The following C9orf78 variants were observed in gnomAD, a reference collection of about 807,000 sequenced individuals.
C9orf78 encodes the protein splicing factor C9orf78.
A neutral mutation model predicts 37.4 loss-of-function variants in C9orf78; 19 were observed. The observed-to-expected ratio is 0.51, with a 90% confidence interval of 0.35 to 0.74. The LOEUF is 0.74. Ranked by LOEUF, C9orf78 falls within the 30% of genes least tolerant of loss-of-function variation. C9orf78 has a pLI of 0.01. For synonymous variants in C9orf78, 130 were observed against 128.0 expected, an observed-to-expected ratio of 1.02 and a Z score of -0.10; for missense variants, 291 against 370.8, an observed-to-expected ratio of 0.78 and a Z score of 1.77.
rs1170996277 is a variant in C9orf78 at position 129,828,020 on chromosome 9, C to T, written c.*141G>A. On this transcript the variant is annotated 3_prime_UTR_variant, in exon 9 of 9. Transcript: ENST00000372447. Reference sequence around the variant, plus strand: ...GTTGGTCAGGCTGGTCTCAAACTCCCGACCTCAGGTGATCCGCCCACCTCG... The same window carrying T: ...GTTGGTCAGGCTGGTCTCAAACTCCTGACCTCAGGTGATCCGCCCACCTCG... The T allele has an allele frequency of 1.2e-5, 6 of 510,774 alleles. No homozygotes were observed. The highest frequency in any genetic ancestry group is 2.3e-5 in the Non-Finnish European group (6 of 257,646). The allele number at this position is 510,774 out of a possible 1,614,324, so 31.6% of individuals were successfully genotyped here.
At chr9:129,833,265 T>A (rs10116875) in intron 4 of C9orf78, among the ~76,000 whole-genome samples, 182 bp downstream of exon 4, 5,714 of 152,104 alleles carry the variant, frequency 0.038, 335 homozygotes, top group African/African-American at 0.12. Context: ...AACTTGGCTC[T>A]AAGTTAACTT....
Position 129,828,598 on chromosome 9 carries a change from A to AT in C9orf78, c.779-347dup, listed in dbSNP as rs1158016304. 4 of 238,016 alleles carry AT rather than the reference A, an allele frequency of 1.7e-5. No individual in the cohort carries two copies. The Admixed American group carries it at 2.1e-4, about 12-fold the overall frequency. 14.7% of individuals were successfully genotyped at this position (238,016 alleles called of 1,614,324 possible). On this transcript the variant is annotated intron_variant, in intron 8 of 8. Transcript: ENST00000372447. ...GCCACCTCACCTGGCTAATTTTTGT[A>AT]TTTTTAGTAGAGACGGGGTTCACCA...
At chr9:129,828,968 T>C in intron 8 of C9orf78, 2 of 608,922 alleles carry the variant, frequency 3.3e-6, no homozygotes, top group South Asian at 1.9e-5. Flanking sequence ...TGCGTGAGAA[T>C]ATGAGAGAGT....
intron 4 of C9orf78, among the ~76,000 whole-genome samples, chr9:129,833,127 G>C (rs1040739503): frequency 3.4e-5 from 5 of 146,188 alleles, no homozygotes; most frequent in Non-Finnish European, 7.5e-5. Context: ...GTAGAGACAG[G>C]GGTCTCACTA....
chr9:129,829,600 T>G, intron 6 of C9orf78, 59 bp from the exon 7 acceptor site: 1 of 1,514,644 alleles, frequency 6.6e-7, no homozygotes, highest in East Asian at 2.3e-5. Context: ...TACTCAGACA[T>G]GAGTGGTGAG....
chr9:129,835,164 C>T lies in C9orf78; in HGVS notation c.58G>A (p.Asp20Asn). 1.2e-6 allele frequency: 2 copies of T among 1,611,616 alleles called. No individual in the cohort carries two copies. Among genetic ancestry groups the T allele is most frequent in the South Asian group, 1.1e-5 (1 of 90,978 alleles). The change falls in exon 1 of 9, where the codon GAT (aspartate) becomes AAT (asparagine). Residue 20 changes from aspartate to asparagine, a missense_variant. Physicochemically the swap from Asp to Asn is conservative, Grantham distance 23 (BLOSUM62 1). Around this residue, in one of 3 missense-constraint regions of C9orf78, gnomAD observed 158 missense variants for 174.8 expected, o/e 0.90. Transcript: ENST00000372447. ...RRRGDSESEEDEQDSEEVRLK... is the reference protein window; with the variant it reads ...RRRGDSESEENEQDSEEVRLK... ...CGAACCTCCTCTGAGTCCTGCTCAT[C>T]TTCCTCTGACTCCGAGTCGCCCCGG...
At position 129,830,948 on chromosome 9, in the gene C9orf78, A is replaced by G; in HGVS notation, c.465T>C (p.Val155=). The G allele has an allele frequency of 1.2e-6, 2 of 1,613,722 alleles. No individual in the cohort carries two copies. The highest frequency in any genetic ancestry group is 1.7e-6 in the Non-Finnish European group (2 of 1,179,594). ...CLYELPENIR[V]SSAKKTEEML... ...TCTCCTCGGTCTTCTTTGCTGAGGA[A>G]ACACGGATGTTTTCTGGAAGTTCAT... The change falls in exon 6 of 9, where the codon GTT becomes GTC. Residue 155 remains valine (V), a synonymous_variant. Coordinates refer to ENST00000372447, the MANE Select transcript of C9orf78 (RefSeq NM_016520.3).
At chr9:129,833,736 G>C (rs752063565) in intron 2 of C9orf78, 27 bp from the exon 3 acceptor site, 2 of 1,567,384 alleles carry the variant, frequency 1.3e-6, no homozygotes, top group African/African-American at 1.4e-5. Context: ...AAAAAAGAGA[G>C]GGGGAGAGAG....
In C9orf78 at chr9:129,829,447, C is replaced by G; in HGVS notation, c.637G>C (p.Val213Leu). 1 of 1,614,078 alleles carries G rather than the reference C, an allele frequency of 6.2e-7. No homozygotes were observed. The highest frequency in any genetic ancestry group is 8.5e-7 in the Non-Finnish European group (1 of 1,180,004). The change falls in exon 7 of 9, where the codon GTG becomes CTG. Residue 213 changes from valine to leucine, a missense_variant. Coordinates refer to ENST00000372447, the MANE Select transcript of C9orf78 (RefSeq NM_016520.3). ...TAATTCACAGCCATGTTGGTAGGCA[C>G]GAAGGAGGTCTCGCTGTCTTTCTTC... ...NKKKDSETSF[V>L]PTNMAVNYVQ...
chr9:129,831,713 C>A (rs558922490), intron 5 of C9orf78, 183 bp downstream of exon 5: 34 of 567,110 alleles, frequency 6.0e-5, no homozygotes, highest in Admixed American at 3.1e-4. Context: ...TGAGAGCTAC[C>A]GTGCCCGGCC....
chr9:129,831,358 A>G (rs2031491430), intron 5 of C9orf78: 2 of 447,286 alleles, frequency 4.5e-6, no homozygotes, highest in South Asian at 3.0e-5. Flanking sequence ...GGGCAAGCCC[A>G]TGTTTTATCC....
Position 129,827,783 on chromosome 9 carries a change from C to CTT in C9orf78, c.*376_*377dup, listed in dbSNP as rs56021512. The CTT allele has an allele frequency of 0.017, 1,957 of 112,140 alleles. 17 individuals are homozygous for CTT. The highest frequency in any genetic ancestry group is 0.027 in the Non-Finnish European group (1,438 of 53,528). 6.9% of individuals were successfully genotyped at this position (112,140 alleles called of 1,614,324 possible). A position where few individuals can be genotyped will look rare whatever the true frequency, so the allele number is the denominator to read the frequency against. On this transcript the variant is annotated 3_prime_UTR_variant, in exon 9 of 9. Transcript: ENST00000372447. The stretch of plus-strand genomic sequence containing the variant: ...TGTCCTGGAAGCCATTTTTCTTTTT[C>CTT]TTTTTTTTTTTTTTTTTTTTTTTTG...
At position 129,833,665 on chromosome 9, in the gene C9orf78, G is replaced by C; in HGVS notation, c.188C>G (p.Thr63Ser). 1 of 1,610,322 alleles carries C rather than the reference G, an allele frequency of 6.2e-7. No individual in the cohort carries two copies. Among genetic ancestry groups the C allele is most frequent in the East Asian group, 2.2e-5 (1 of 44,854 alleles). ...LVGEKVQEET[T>S]LVDDPFQMKT... is the part of the protein sequence containing the mutation. ...GAAGACCCCATAACTTACCACTAGA[G>C]TGGTCTCCTCTTGTACCTTCTCTCC... Residue 63 changes from threonine (T) to serine (S), a missense_variant, in exon 3 of 9, where the codon ACT (threonine) becomes AGT (serine). This residue lies in a region of C9orf78 where 158 missense variants were observed against 174.8 expected (regional missense o/e 0.90). Transcript: ENST00000372447.
At chr9:129,831,139 T>G in intron 5 of C9orf78, 71 bp from the exon 6 acceptor site, 2 of 915,302 alleles carry the variant, frequency 2.2e-6, no homozygotes, top group Non-Finnish European at 3.7e-6. Flanking sequence ...AAATCAGTGG[T>G]CCCCAACACT....
intron 1 of C9orf78, 179 bp downstream of exon 1, chr9:129,834,960 T>C (rs2031669851): frequency 1.5e-6 from 1 of 676,938 alleles, no homozygotes; most frequent in South Asian, 1.8e-5. Context: ...GAGGCATCTC[T>C]CTCAACCGTT....
intron 6 of C9orf78, chr9:129,830,207 C>G (rs1051865848): frequency 2.0e-5 from 3 of 152,532 alleles, no homozygotes; most frequent in African/African-American, 7.3e-5. Context: ...ATCCTCCCAC[C>G]TTGGCCTCCC....
chr9:129,834,947 C>A, intron 1 of C9orf78, 181 bp from the exon 2 acceptor site: 1 of 664,448 alleles, frequency 1.5e-6, no homozygotes. Flanking sequence ...ACTGCGCATC[C>A]CGGAGGCATC....
chr9:129,832,917 A>G (rs143056155), intron 4 of C9orf78, among the ~76,000 whole-genome samples: 1,852 of 151,950 alleles, frequency 0.012, 38 homozygotes, highest in African/African-American at 0.042. Context: ...AATTTCCTGA[A>G]TAGCTGGGAC....
At position 129,828,123 on chromosome 9, in the gene C9orf78, G is replaced by A. The variant is rs937502897; in HGVS notation, c.*38C>T. 44 of 1,209,662 alleles carry A rather than the reference G, an allele frequency of 3.6e-5. No individual in the cohort carries two copies. Among genetic ancestry groups the A allele is most frequent in the African/African-American group, 7.5e-5 (5 of 66,840 alleles). The allele number at this position is 1,209,662 out of a possible 1,614,324, so 74.9% of individuals were successfully genotyped here. ...GCCATTTTTCATGGGAGGGATATAGGGAGAGGAAGGCGATATTTACATCCC... is the reference window on the plus strand; with the variant it reads ...GCCATTTTTCATGGGAGGGATATAGAGAGAGGAAGGCGATATTTACATCCC... On this transcript the variant is annotated 3_prime_UTR_variant, in exon 9 of 9. Transcript: ENST00000372447.
Sources: gnomAD v4.1 joint callset for allele counts (sites outside exome capture counted in the v4.1 genomes callset) on GRCh38, gnomAD v4.1.1 for gene constraint, gnomAD v4.1.1 regional missense constraint, MANE v1.5 for transcripts, NCBI Gene and HGNC (gene_info 2026-07-23, HGNC 2026-07-21) for gene names.